Variants in GABRB1 observed in about 807,000 individuals in gnomAD.
GABRB1 encodes the protein gamma-aminobutyric acid type A receptor subunit beta1.
GABRB1 carries 17 observed loss-of-function variants against 51.6 expected under a neutral mutation model. The observed-to-expected ratio is 0.33, with a 90% CI of 0.23 to 0.49. The LOEUF (loss-of-function observed/expected upper bound fraction) is 0.49, where lower values mean the gene tolerates loss of function less well. Among genes scored for constraint, GABRB1 ranks in the 20% least tolerant of loss-of-function variants. GABRB1 has a pLI of 0.99. For missense variants in GABRB1, 410 were observed against 600.6 expected, an observed-to-expected ratio of 0.68 and a Z score of 3.32; for synonymous variants, 247 against 218.9, an observed-to-expected ratio of 1.13 and a Z score of -1.14.
intron 4 of GABRB1, among the ~76,000 whole-genome samples, chr4:47,175,024 C>T (rs1399805151): frequency 2.1e-5 from 3 of 140,350 alleles, no homozygotes; most frequent in African/African-American, 5.3e-5. Flanking sequence ...CTTCTTTCTT[C>T]CTTCCTTCCT....
chr4:47,153,018 T>C (rs888017808), intron 3 of GABRB1, among the ~76,000 whole-genome samples: 3 of 151,964 alleles, frequency 2.0e-5, no homozygotes, highest in Admixed American at 6.6e-5. Context: ...CTGAGTTCTC[T>C]GAGAGTTTGA....
chr4:47,273,534 T>C (rs1294819413), intron 4 of GABRB1, among the ~76,000 whole-genome samples: 1 of 152,032 alleles, frequency 6.6e-6, no homozygotes, highest in Non-Finnish European at 1.5e-5. Context: ...GTAGGACAAA[T>C]TGGTGGCTAA....
At chr4:47,078,039 G>A (rs1727651798) in intron 3 of GABRB1, among the ~76,000 whole-genome samples, 1 of 143,708 alleles carries the variant, frequency 7.0e-6, no homozygotes. Context: ...GGCCAGGCTG[G>A]AGTGCAATGG....
chr4:47,077,957 T>TTATATATTTTATATATATTATATATA lies in GABRB1; in HGVS notation c.240+45474_240+45475insATATATTTTATATATATTATATATAT, dbSNP rs1560523671. On this transcript the variant is annotated intron_variant, in intron 3 of 8. Transcript: ENST00000295454. ...TATATATTTTATATATATTATATATTTTATATATATATTTTATATATAATA... is the reference window on the plus strand; with the variant it reads ...TATATATTTTATATATATTATATATTTATATATTTTATATATATTATATATATTATATATATATTTTATATATAATA... Among the ~76,000 whole-genome samples the TTATATATTTTATATATATTATATATA allele has an allele frequency of 6.6e-5, 8 of 121,616 alleles. No homozygotes were observed. The East Asian group carries it at 1.8e-3, about 27-fold the overall frequency. 79.8% of individuals were successfully genotyped at this position (121,616 alleles called of 152,430 possible). A position where few individuals can be genotyped will look rare whatever the true frequency, so the allele number is the denominator to read the frequency against.
chr4:47,054,601 A>G (rs1185572271), intron 3 of GABRB1, among the ~76,000 whole-genome samples: 1 of 143,354 alleles, frequency 7.0e-6, no homozygotes, highest in African/African-American at 2.6e-5. Context: ...TTTTTTTTTG[A>G]GATGGAGTCT....
At chr4:47,220,450 T>G (rs1720725363) in intron 4 of GABRB1, among the ~76,000 whole-genome samples, 2 of 151,978 alleles carry the variant, frequency 1.3e-5, no homozygotes, top group Non-Finnish European at 2.9e-5. Context: ...TCATCTATAA[T>G]CATAGCTTCA....
chr4:47,309,583 A>G (rs1724595312), intron 4 of GABRB1, among the ~76,000 whole-genome samples: 1 of 152,142 alleles, frequency 6.6e-6, no homozygotes, highest in African/African-American at 2.4e-5. Context: ...ATTTAATGAT[A>G]TCTCCCAATA....
At chr4:47,076,812 T>C (rs984757174) in intron 3 of GABRB1, among the ~76,000 whole-genome samples, 7 of 152,308 alleles carry the variant, frequency 4.6e-5, no homozygotes, top group African/African-American at 1.7e-4. Flanking sequence ...TCTGTGTCTC[T>C]TGCTTCCCTT....
intron 4 of GABRB1, among the ~76,000 whole-genome samples, chr4:47,161,980 T>C (rs368116935): frequency 6.6e-6 from 1 of 152,054 alleles, no homozygotes; most frequent in Non-Finnish European, 1.5e-5. Context: ...ATATCTGTGA[T>C]GAAATTTCTA....
intron 4 of GABRB1, among the ~76,000 whole-genome samples, chr4:47,312,629 G>A (rs1255608361): frequency 1.3e-5 from 2 of 152,094 alleles, no homozygotes; most frequent in East Asian, 1.9e-4. Context: ...AGTATAAATA[G>A]GGTTCAGCAT....
At chr4:47,347,283 GATA>G (rs1000146668) in intron 5 of GABRB1, among the ~76,000 whole-genome samples, 44 of 151,298 alleles carry the variant, frequency 2.9e-4, no homozygotes, top group South Asian at 2.1e-3. Flanking sequence ...CCATCTCACA[GATA>G]ATAATAATAA....
In GABRB1 at chr4:47,372,480, C is replaced by T. The variant is rs142668369; in HGVS notation, c.545-30838C>T. 2.0e-5 allele frequency among the ~76,000 whole-genome samples: 3 copies of T among 152,300 alleles called. No homozygotes were observed. In the East Asian group the frequency reaches 5.8e-4, roughly 29 times the overall value. On this transcript the variant is annotated intron_variant, in intron 5 of 8. Transcript: ENST00000295454. ...CCCTTTCTGATCTTAGAGAACCCCT[C>T]AAACCAGCTCCATAACTTTTTGGCC...
At chr4:47,400,342 G>A (rs1728332975) in intron 5 of GABRB1, among the ~76,000 whole-genome samples, 1 of 152,174 alleles carries the variant, frequency 6.6e-6, no homozygotes, top group Non-Finnish European at 1.5e-5. Flanking sequence ...TTCACTAGAT[G>A]ATACCTAAAT....
intron 4 of GABRB1, among the ~76,000 whole-genome samples, chr4:47,254,557 A>G (rs1385935893): frequency 6.6e-6 from 1 of 151,144 alleles, no homozygotes; most frequent in Non-Finnish European, 1.5e-5. Context: ...TGTTTTTAGT[A>G]GAGACGGGGT....
At position 47,403,589 on chromosome 4, in the gene GABRB1, G is replaced by A. The variant is rs752898107; in HGVS notation, c.713G>A (p.Arg238His). The A allele has an allele frequency of 1.4e-5, 22 of 1,613,792 alleles. No individual in the cohort carries two copies. Among genetic ancestry groups the A allele is most frequent in the African/African-American group, 9.3e-5 (7 of 74,908 alleles). Residue 238 changes from arginine (R) to histidine (H), a missense_variant, in exon 7 of 9, where the codon CGT becomes CAT. By Grantham distance (29) the Arg-to-His change is conservative. Coordinates refer to ENST00000295454, the MANE Select transcript of GABRB1 (RefSeq NM_000812.4). The part of the protein sequence containing the change: ...GAYPRLSLSF[R>H]LKRNIGYFIL... ...TATCCACGACTGTCACTAAGTTTTC[G>A]TCTAAAGAGAAACATTGGTTACTTC...
At chr4:47,070,625 C>G (rs990844770) in intron 3 of GABRB1, among the ~76,000 whole-genome samples, 1 of 152,132 alleles carries the variant, frequency 6.6e-6, no homozygotes, top group African/African-American at 2.4e-5. Context: ...AGCCACCGCG[C>G]CCGGCCTGCA....
At chr4:47,142,836 A>G (rs1404444313) in intron 3 of GABRB1, among the ~76,000 whole-genome samples, 3 of 151,900 alleles carry the variant, frequency 2.0e-5, no homozygotes, top group Non-Finnish European at 2.9e-5. Flanking sequence ...TGGGATGTGA[A>G]AAGTAAATAA....
intron 3 of GABRB1, among the ~76,000 whole-genome samples, chr4:47,123,578 C>CATATATTATAATATATT (rs1715920415): frequency 1.9e-5 from 1 of 52,834 alleles, no homozygotes; most frequent in Non-Finnish European, 3.1e-5. Flanking sequence ...TACATTATTT[C>CATATATTATAATATATT]ATATATTATA....
intron 3 of GABRB1, among the ~76,000 whole-genome samples, chr4:47,155,016 T>A (rs568993809): frequency 6.6e-6 from 1 of 152,184 alleles, no homozygotes; most frequent in South Asian, 2.1e-4. Context: ...GGACTCTGAT[T>A]GGTCCATCTC....
Sources: gnomAD v4.1 joint callset for allele counts (sites outside exome capture counted in the v4.1 genomes callset) on GRCh38, gnomAD v4.1.1 for gene constraint, MANE v1.5 for transcripts, NCBI Gene and HGNC (gene_info 2026-07-23, HGNC 2026-07-21) for gene names.